The following BMPR1B variants were observed in gnomAD, a reference collection of about 807,000 sequenced individuals.
BMPR1B encodes the protein bone morphogenetic protein receptor type 1B.
BMPR1B carries 12 observed loss-of-function variants against 59.1 expected under a neutral mutation model. The ratio of observed to expected loss-of-function variants is 0.20; its 90% CI spans 0.13 to 0.33. The LOEUF (loss-of-function observed/expected upper bound fraction) is 0.33, where lower values mean the gene tolerates loss of function less well. BMPR1B is among the 10% of genes least tolerant of loss of function. The pLI is 1.00. For missense variants in BMPR1B, 550 were observed against 610.9 expected (o/e 0.90, Z 1.05); for synonymous variants, 237 against 207.3 (o/e 1.14, Z -1.23).
At chr4:95,078,810 T>G (rs190638429) in intron 3 of BMPR1B, among the ~76,000 whole-genome samples, 1 of 152,288 alleles carries the variant, frequency 6.6e-6, no homozygotes, top group Admixed American at 6.5e-5. Flanking sequence ...CAGGCTGGAG[T>G]GCAGTGGCAC....
intron 3 of BMPR1B, among the ~76,000 whole-genome samples, chr4:95,022,094 G>A (rs1277901727): frequency 6.6e-6 from 1 of 152,168 alleles, no homozygotes; most frequent in Admixed American, 6.6e-5. Context: ...GTTAGATGGC[G>A]AGAGGCTTTG....
rs1454063190 is a variant in BMPR1B, at chr4:95,145,960, TTAGTG to T, written c.1077-2785_1077-2781del. The stretch of plus-strand genomic sequence containing the variant: ...CCCTTTAAATTATCCATAGCAAAGT[TTAGTG>T]TAAACAAACCTTTTCCTTCTTTCAT... On this transcript the variant is annotated intron_variant, in intron 10 of 12. Transcript: ENST00000515059. Among the ~76,000 whole-genome samples, 6 of 152,334 alleles carry T rather than the reference TTAGTG, an allele frequency of 3.9e-5. No homozygotes were observed. In the South Asian group the frequency reaches 1.2e-3, roughly 32 times the overall value.
intron 2 of BMPR1B, among the ~76,000 whole-genome samples, chr4:94,903,281 C>T (rs979478566): frequency 3.3e-5 from 5 of 151,816 alleles, no homozygotes; most frequent in Admixed American, 1.3e-4. Flanking sequence ...TTTTTATCCC[C>T]GAGTCCCAGT....
chr4:94,908,464 G>T (rs1221963926), intron 2 of BMPR1B, among the ~76,000 whole-genome samples: 2 of 151,576 alleles, frequency 1.3e-5, no homozygotes, highest in South Asian at 2.1e-4. Context: ...CCCGTCTCTT[G>T]TGCTTGCTTT....
chr4:94,807,220 T>G (rs1723638957), intron 1 of BMPR1B, among the ~76,000 whole-genome samples: 1 of 152,020 alleles, frequency 6.6e-6, no homozygotes, highest in African/African-American at 2.4e-5. Flanking sequence ...TCAGCCTCCC[T>G]GGTAGCTGGG....
At chr4:94,860,350 C>T (rs1214743302) in intron 1 of BMPR1B, among the ~76,000 whole-genome samples, 1 of 152,132 alleles carries the variant, frequency 6.6e-6, no homozygotes, top group Non-Finnish European at 1.5e-5. Context: ...TGAGTAAATA[C>T]TGTTTTCAAA....
chr4:94,887,147 G>T (rs1253473487), intron 2 of BMPR1B, among the ~76,000 whole-genome samples: 3 of 151,456 alleles, frequency 2.0e-5, no homozygotes, highest in Admixed American at 6.6e-5. Context: ...CCACAAACTT[G>T]GAGGACTCAA....
intron 3 of BMPR1B, among the ~76,000 whole-genome samples, chr4:95,098,600 T>G (rs1730596707): frequency 6.6e-6 from 1 of 152,092 alleles, no homozygotes; most frequent in African/African-American, 2.4e-5. Flanking sequence ...CATGTGCATC[T>G]TACCATCTTT....
At chr4:94,868,705 G>A (rs537944051) in intron 1 of BMPR1B, among the ~76,000 whole-genome samples, 18 of 152,198 alleles carry the variant, frequency 1.2e-4, no homozygotes, top group Non-Finnish European at 2.2e-4. Flanking sequence ...ACAACAGAGT[G>A]AAAATATTCC....
At chr4:94,781,860 G>T (rs1422781863) in intron 1 of BMPR1B, among the ~76,000 whole-genome samples, 3 of 151,874 alleles carry the variant, frequency 2.0e-5, no homozygotes, top group African/African-American at 7.3e-5. Flanking sequence ...CTGTGTTACC[G>T]GTTAACCTCA....
intron 2 of BMPR1B, among the ~76,000 whole-genome samples, chr4:94,936,869 C>G (rs1276818301): frequency 2.0e-5 from 3 of 152,108 alleles, no homozygotes; most frequent in South Asian, 2.1e-4. Flanking sequence ...CAGATCCTCA[C>G]TGTTTCTCAG....
At chr4:95,112,971 C>G (rs1731738757) in intron 4 of BMPR1B, among the ~76,000 whole-genome samples, 1 of 152,020 alleles carries the variant, frequency 6.6e-6, no homozygotes, top group Non-Finnish European at 1.5e-5. Flanking sequence ...TTCCTGATAT[C>G]ATAAAATTAG....
At position 94,943,278 on chromosome 4, in the gene BMPR1B, T is replaced by C. The variant is rs1476784101; in HGVS notation, c.-112-52762T>C. On this transcript the variant is annotated intron_variant, in intron 2 of 12. Coordinates refer to ENST00000515059, the MANE Select transcript of BMPR1B (RefSeq NM_001203.3). ...CCTCAGCCTCCTGAGTAGCTGGGAT[T>C]ACAGGCATGCGCCACCATGCCCAGC... 2.0e-5 allele frequency among the ~76,000 whole-genome samples: 3 copies of C among 152,146 alleles called. No homozygotes were observed. The East Asian group carries it at 5.8e-4, about 29-fold the overall frequency.
At chr4:94,969,878 C>T (rs567718000) in intron 2 of BMPR1B, among the ~76,000 whole-genome samples, 1 of 152,254 alleles carries the variant, frequency 6.6e-6, no homozygotes, top group African/African-American at 2.4e-5. Context: ...ATAATTATAT[C>T]TTTAAGTTTA....
intron 1 of BMPR1B, among the ~76,000 whole-genome samples, chr4:94,785,591 A>G (rs555710233): frequency 6.6e-6 from 1 of 152,302 alleles, no homozygotes; most frequent in African/African-American, 2.4e-5. Context: ...GAAAAGAAAA[A>G]GATGGGCCCC....
intron 2 of BMPR1B, among the ~76,000 whole-genome samples, chr4:94,884,566 G>A (rs1727100712): frequency 6.6e-6 from 1 of 151,982 alleles, no homozygotes; most frequent in Admixed American, 6.6e-5. Context: ...TTAAATGGAG[G>A]ATACTTTCAA....
At chr4:94,982,353 A>G (rs768648862) in intron 2 of BMPR1B, among the ~76,000 whole-genome samples, 17 of 152,182 alleles carry the variant, frequency 1.1e-4, no homozygotes, top group Admixed American at 3.9e-4. Context: ...GAATTAAACA[A>G]TCAGATGCAT....
intron 1 of BMPR1B, among the ~76,000 whole-genome samples, chr4:94,852,769 C>T (rs1382233863): frequency 6.6e-6 from 1 of 152,052 alleles, no homozygotes; most frequent in Non-Finnish European, 1.5e-5. Flanking sequence ...TTTATACTTG[C>T]CAATTGATCT....
chr4:95,068,320 A>G (rs1038885275), intron 3 of BMPR1B, among the ~76,000 whole-genome samples: 6 of 152,336 alleles, frequency 3.9e-5, no homozygotes, highest in African/African-American at 9.6e-5. Flanking sequence ...TGTCTCTCAC[A>G]TAATAGACAT....
Sources: allele counts gnomAD v4.1 joint callset (sites outside exome capture counted in the v4.1 genomes callset), GRCh38; gene constraint gnomAD v4.1.1; transcripts MANE v1.5; gene names NCBI Gene and HGNC (gene_info 2026-07-23, HGNC 2026-07-21).